The following MKX variants were observed in gnomAD, a reference collection of about 807,000 sequenced individuals.
MKX encodes homeobox protein Mohawk.
Under a neutral mutation model 36.0 loss-of-function variants are expected in MKX, and 13 were observed. That is an observed-to-expected ratio of 0.36 (90% CI 0.24 to 0.57). MKX has a LOEUF of 0.57. MKX is among the 20% of genes least tolerant of loss of function. The probability of loss-of-function intolerance (pLI) is 0.79; values close to 1 mark genes in which losing one functional copy is unlikely to be tolerated. For missense variants in MKX, 458 were observed against 456.4 expected, an observed-to-expected ratio of 1.00 and a Z score of -0.03; for synonymous variants, 176 against 178.3, an observed-to-expected ratio of 0.99 and a Z score of 0.10.
chr10:27,733,306 G>C (rs1376453322), intron 5 of MKX, among the ~76,000 whole-genome samples: 2 of 152,110 alleles, frequency 1.3e-5, no homozygotes, highest in African/African-American at 4.8e-5. Context: ...GATCTAAAGG[G>C]TACATTAACA....
intron 5 of MKX, among the ~76,000 whole-genome samples, chr10:27,700,933 A>C: frequency 1.3e-5 from 2 of 152,248 alleles, no homozygotes; most frequent in South Asian, 4.1e-4. Flanking sequence ...TTTTTTTAAA[A>C]AATTTTAATT....
intron 5 of MKX, among the ~76,000 whole-genome samples, chr10:27,721,794 A>G (rs1834385902): frequency 1.3e-5 from 2 of 152,192 alleles, no homozygotes; most frequent in African/African-American, 4.8e-5. Flanking sequence ...TAAAAAGGAA[A>G]TCAAATGTCA....
At chr10:27,711,495 C>CTTTCTTTCTTTCTTT (rs1363496557) in intron 5 of MKX, among the ~76,000 whole-genome samples, 1 of 32,864 alleles carries the variant, frequency 3.0e-5, no homozygotes, top group African/African-American at 1.0e-4. Flanking sequence ...CTCTCTCTCT[C>CTTTCTTTCTTTCTTT]TTCTTTCCTT....
chr10:27,730,588 G>C (rs1834602775), intron 5 of MKX, among the ~76,000 whole-genome samples: 2 of 151,538 alleles, frequency 1.3e-5, no homozygotes. Context: ...CTCCCGAGTA[G>C]CTGGGATTAG....
At chr10:27,675,442 A>G in intron 6 of MKX, 27 bp from the exon 7 acceptor site, 1 of 1,614,072 alleles carries the variant, frequency 6.2e-7, no homozygotes. Context: ...CAGAAAGTAA[A>G]CGATCAAACT....
At chr10:27,732,179 AT>A (rs914769858) in intron 5 of MKX, among the ~76,000 whole-genome samples, 12 of 151,990 alleles carry the variant, frequency 7.9e-5, no homozygotes, top group African/African-American at 2.2e-4. Flanking sequence ...TAACGTTTAC[AT>A]TTTTTTTAAA....
rs747800012 is a variant in MKX, at chr10:27,744,013, G to C, written c.-82-516C>G. Among the ~76,000 whole-genome samples the C allele has an allele frequency of 7.2e-5, 11 of 152,098 alleles. No homozygotes were observed. Among genetic ancestry groups the C allele is most frequent in the Non-Finnish European group, 1.6e-4 (11 of 68,022 alleles). ...AAGACCCCCCAGCTCATGAGTCCCA[G>C]GCCATACCGGGATTTGGGGGATTTT... On this transcript the variant is annotated intron_variant, in intron 1 of 6. Coordinates refer to ENST00000419761, the MANE Select transcript of MKX (RefSeq NM_173576.3). This position sits in a 1 kb window ranked among gnomAD's most constrained non-coding sequence, Gnocchi z 5.6.
intron 5 of MKX, among the ~76,000 whole-genome samples, chr10:27,702,190 A>G (rs527663454): frequency 1.2e-4 from 18 of 152,344 alleles, no homozygotes; most frequent in African/African-American, 4.3e-4. Context: ...TCCCAAAGCC[A>G]CTGATAGGCC....
At chr10:27,708,392 GTTCATTTA>G (rs1211713363) in intron 5 of MKX, among the ~76,000 whole-genome samples, 2 of 151,960 alleles carry the variant, frequency 1.3e-5, no homozygotes, top group Non-Finnish European at 2.9e-5. Flanking sequence ...TAATGTATTT[GTTCATTTA>G]TTCATCTATA....
intron 5 of MKX, among the ~76,000 whole-genome samples, chr10:27,720,989 A>C (rs1420299334): frequency 6.6e-6 from 1 of 152,166 alleles, no homozygotes; most frequent in Non-Finnish European, 1.5e-5. Context: ...ACAACAAATA[A>C]AAATCCAGAA....
intron 5 of MKX, among the ~76,000 whole-genome samples, chr10:27,706,545 C>CTGTGTGTGTGTGTGTGTG: frequency 6.9e-6 from 1 of 144,898 alleles, no homozygotes. Context: ...TCGTTAATTC[C>CTGTGTGTGTGTGTGTGTG]TGTGTGTGTG....
chr10:27,694,516 T>TA (rs57248902), intron 5 of MKX, among the ~76,000 whole-genome samples: 9 of 111,508 alleles, frequency 8.1e-5, no homozygotes, highest in African/African-American at 2.4e-4. Context: ...CCGTCTCTAC[T>TA]AAAAAAAAAA....
Position 27,723,877 on chromosome 10 carries a change from C to T in MKX, c.838+10579G>A, listed in dbSNP as rs562451576. On this transcript the variant is annotated intron_variant, in intron 5 of 6. Coordinates refer to ENST00000419761, the MANE Select transcript of MKX (RefSeq NM_173576.3). ...TCTGCCATACTGGGAGATTTGTTCA[C>T]CATCACCTGAGACTGGCTCAGCTGA... Among the ~76,000 whole-genome samples, 6 of 152,286 alleles carry T rather than the reference C, an allele frequency of 3.9e-5. No individual in the cohort carries two copies. The South Asian group carries it at 1.2e-3, about 32-fold the overall frequency.
intron 5 of MKX, among the ~76,000 whole-genome samples, chr10:27,730,934 A>C (rs1168471968): frequency 6.6e-6 from 1 of 151,724 alleles, no homozygotes; most frequent in Non-Finnish European, 1.5e-5. Flanking sequence ...GGAGATCGAG[A>C]CCATCCTGGC....
At chr10:27,736,393 T>A (rs76872086) in intron 3 of MKX, among the ~76,000 whole-genome samples, 3 of 142,372 alleles carry the variant, frequency 2.1e-5, no homozygotes, top group African/African-American at 5.2e-5. Context: ...CTTTTTTTTT[T>A]AAAGATGTTA....
At chr10:27,682,338 A>G in intron 5 of MKX, among the ~76,000 whole-genome samples, 1 of 152,336 alleles carries the variant, frequency 6.6e-6, no homozygotes, top group South Asian at 2.1e-4. Flanking sequence ...AGCTAAGATT[A>G]ATTTATTGTA....
Position 27,675,425 on chromosome 10 carries a change from A to G in MKX, c.873-10T>C. 1.2e-6 allele frequency: 2 copies of G among 1,614,132 alleles called. No individual in the cohort carries two copies. The highest frequency in any genetic ancestry group is 1.1e-5 in the South Asian group (1 of 91,064). On this transcript the variant is annotated splice_polypyrimidine_tract_variant and intron_variant, in intron 6 of 6. Coordinates refer to ENST00000419761, the MANE Select transcript of MKX (RefSeq NM_173576.3). Reference sequence around the variant, plus strand: ...TTTTCTGTTAGCTGCGCTGGAGTTAAGCAAAACAGAAAGTAAACGATCAAA... The same window carrying G: ...TTTTCTGTTAGCTGCGCTGGAGTTAGGCAAAACAGAAAGTAAACGATCAAA...
At chr10:27,690,443 C>T (rs968028064) in intron 5 of MKX, among the ~76,000 whole-genome samples, 2 of 152,078 alleles carry the variant, frequency 1.3e-5, no homozygotes, top group African/African-American at 4.8e-5. Context: ...AAAAACATTT[C>T]ATAGATCCAA....
intron 5 of MKX, among the ~76,000 whole-genome samples, chr10:27,685,452 T>C (rs913642142): frequency 2.0e-5 from 3 of 148,478 alleles, no homozygotes; most frequent in African/African-American, 5.0e-5. Flanking sequence ...GATTTTTTTT[T>C]TTTTTTTTTT....
Sources: allele counts gnomAD v4.1 joint callset (sites outside exome capture counted in the v4.1 genomes callset), GRCh38; gene constraint gnomAD v4.1.1; non-coding constraint Gnocchi (gnomAD v3.1); transcripts MANE v1.5; gene names NCBI Gene and HGNC (gene_info 2026-07-23, HGNC 2026-07-21).